RPS6KC1: variants seen among roughly 807,000 people sequenced by gnomAD.
RPS6KC1 encodes the protein inactive ribosomal protein S6 kinase delta-1.
In RPS6KC1, 54 loss-of-function variants were observed where a neutral mutation model predicts 103.8. The observed-to-expected ratio is 0.52, with a 90% CI of 0.42 to 0.65. The LOEUF (loss-of-function observed/expected upper bound fraction) is 0.65. Among genes scored for constraint, RPS6KC1 ranks in the 30% least tolerant of loss-of-function variants. The pLI is 0.00. For missense variants in RPS6KC1, 1,151 were observed against 1,253.8 expected (o/e 0.92, Z 1.24); for synonymous variants, 439 against 438.7 (o/e 1.00, Z -0.01).
the RPS6KC1 span, among the ~76,000 whole-genome samples, chr1:213,352,157 T>C: frequency 5.3e-5 from 8 of 152,166 alleles, 1 homozygote; most frequent in Non-Finnish European, 1.2e-4. Context: ...ATTCCGTTAT[T>C]TATTTTTTAA....
At chr1:213,720,053 G>T in the RPS6KC1 span, among the ~76,000 whole-genome samples, 2 of 151,834 alleles carry the variant, frequency 1.3e-5, no homozygotes, top group Non-Finnish European at 2.9e-5. Flanking sequence ...AGGATTTGAC[G>T]TTCAATAGAT....
At chr1:213,694,939 T>C in the RPS6KC1 span, among the ~76,000 whole-genome samples, 4 of 152,138 alleles carry the variant, frequency 2.6e-5, no homozygotes, top group Non-Finnish European at 5.9e-5. Context: ...GCACAGACAG[T>C]GGTGCCCAGT....
At chr1:213,084,220 G>A (rs2080173370) in intron 3 of RPS6KC1, among the ~76,000 whole-genome samples, 2 of 151,168 alleles carry the variant, frequency 1.3e-5, no homozygotes, top group African/African-American at 4.9e-5. Flanking sequence ...TAAAATATAT[G>A]CACGTAATTT....
the RPS6KC1 span, among the ~76,000 whole-genome samples, chr1:213,347,772 G>T: frequency 6.6e-6 from 1 of 152,092 alleles, no homozygotes; most frequent in Non-Finnish European, 1.5e-5. Context: ...CAAATCAACA[G>T]AAGAAAAATG....
At chr1:213,768,224 C>T in the RPS6KC1 span, among the ~76,000 whole-genome samples, 2 of 152,142 alleles carry the variant, frequency 1.3e-5, no homozygotes, top group East Asian at 1.9e-4. Flanking sequence ...CCTGGCTTTA[C>T]ACTCCTGACG....
chr1:213,233,154 A>G (rs2094143638), intron 10 of RPS6KC1, among the ~76,000 whole-genome samples: 1 of 152,202 alleles, frequency 6.6e-6, no homozygotes, highest in South Asian at 2.1e-4. Context: ...TGATGGGGGC[A>G]GTAAACAATT....
At chr1:213,085,725 GTA>G (rs1454434682) in intron 3 of RPS6KC1, among the ~76,000 whole-genome samples, 7 of 151,926 alleles carry the variant, frequency 4.6e-5, no homozygotes, top group African/African-American at 1.7e-4. Flanking sequence ...ATCTGTGTCT[GTA>G]TATCTATATA....
chr1:213,253,958 CTA>C (rs1422215363), intron 12 of RPS6KC1, among the ~76,000 whole-genome samples: 1 of 152,086 alleles, frequency 6.6e-6, no homozygotes, highest in African/African-American at 2.4e-5. Context: ...ATCATAAGGA[CTA>C]TAAAACTTTG....
At chr1:213,363,710 CTTTCTTTCTTTCTTTCGTTCTTTCTT>C in the RPS6KC1 span, among the ~76,000 whole-genome samples, 1,396 of 106,470 alleles carry the variant, frequency 0.013, 180 homozygotes, top group Middle Eastern at 0.028. Context: ...TTCCTTCTTT[CTTTCTTTCTTTCTTTCGTTCTTTCTT>C]TCTCTCTTCT....
the RPS6KC1 span, among the ~76,000 whole-genome samples, chr1:213,395,796 C>T: frequency 2.0e-5 from 3 of 152,198 alleles, no homozygotes; most frequent in African/African-American, 7.2e-5. Flanking sequence ...GCTCGCAGAC[C>T]AGGTTTGTGG....
chr1:213,151,730 A>T (rs1191980060), intron 6 of RPS6KC1, among the ~76,000 whole-genome samples: 2 of 87,798 alleles, frequency 2.3e-5, no homozygotes, highest in African/African-American at 9.4e-5. Flanking sequence ...CGGGGGGCTG[A>T]CCCCCCCACC....
At chr1:213,061,376 G>C (rs2077824972) in intron 1 of RPS6KC1, among the ~76,000 whole-genome samples, 1 of 152,186 alleles carries the variant, frequency 6.6e-6, no homozygotes, top group Non-Finnish European at 1.5e-5. Flanking sequence ...ATTATGGTTT[G>C]TGCAGGTGTT....
chr1:213,151,001 C>A (rs1279338240), intron 6 of RPS6KC1, among the ~76,000 whole-genome samples: 4 of 146,590 alleles, frequency 2.7e-5, no homozygotes, highest in Non-Finnish European at 6.1e-5. Flanking sequence ...GGCTGACCCC[C>A]CCCACCTCCC....
the RPS6KC1 span, among the ~76,000 whole-genome samples, chr1:213,540,255 A>G: frequency 6.6e-6 from 1 of 152,172 alleles, no homozygotes; most frequent in African/African-American, 2.4e-5. Flanking sequence ...TTTCCCAAAT[A>G]GCAAGGACTA....
chr1:213,406,630 T>C, the RPS6KC1 span, among the ~76,000 whole-genome samples: 7 of 152,282 alleles, frequency 4.6e-5, no homozygotes, highest in African/African-American at 1.7e-4. Context: ...ATCACAACTC[T>C]TCTAATGGAT....
At chr1:213,429,628 A>T in the RPS6KC1 span, among the ~76,000 whole-genome samples, 2 of 152,182 alleles carry the variant, frequency 1.3e-5, no homozygotes, top group African/African-American at 4.8e-5. Context: ...CTTGGAGCAG[A>T]TAGTATGAAA....
chr1:213,763,486 G>A, the RPS6KC1 span, among the ~76,000 whole-genome samples: 1 of 152,170 alleles, frequency 6.6e-6, no homozygotes, highest in African/African-American at 2.4e-5. Context: ...ATGGACCCAA[G>A]GTCAATTCCG....
intron 12 of RPS6KC1, among the ~76,000 whole-genome samples, chr1:213,254,160 TATC>T (rs66519635): frequency 0.27 from 40,771 of 152,000 alleles, 6,272 homozygotes; most frequent in East Asian, 0.4. Flanking sequence ...ACTTGTGAAA[TATC>T]ATAGTTTGAA....
chr1:213,292,542 T>C, the RPS6KC1 span, among the ~76,000 whole-genome samples: 1 of 152,172 alleles, frequency 6.6e-6, no homozygotes. Flanking sequence ...ACACCCCTCC[T>C]GGCATCTTCA....
Sources: allele counts gnomAD v4.1 joint callset (sites outside exome capture counted in the v4.1 genomes callset), GRCh38; gene constraint gnomAD v4.1.1; transcripts MANE v1.5; gene names NCBI Gene and HGNC (gene_info 2026-07-23, HGNC 2026-07-21).